The following SRRM4 variants were observed in gnomAD, a reference collection of about 807,000 sequenced individuals.
SRRM4 encodes the protein serine/arginine repetitive matrix protein 4.
In SRRM4, 33 loss-of-function variants were observed where a neutral mutation model predicts 68.9. The observed-to-expected ratio is 0.48, with a 90% confidence interval of 0.36 to 0.64. The LOEUF (loss-of-function observed/expected upper bound fraction) is 0.64. Ranked by LOEUF, SRRM4 falls within the 30% of genes least tolerant of loss-of-function variation. SRRM4 has a pLI of 0.00. For missense variants in SRRM4, 817 were observed against 827.1 expected (o/e 0.99, Z 0.15); for synonymous variants, 318 against 318.8 (o/e 1.00, Z 0.03).
intron 1 of SRRM4, among the ~76,000 whole-genome samples, chr12:118,987,870 A>G (rs1001214974): frequency 6.6e-6 from 1 of 152,260 alleles, no homozygotes; most frequent in African/African-American, 2.4e-5. Flanking sequence ...TACATATTTC[A>G]TAAGGGAGAC....
intron 1 of SRRM4, among the ~76,000 whole-genome samples, chr12:119,008,768 C>A (rs533015159): frequency 2.6e-5 from 4 of 152,254 alleles, no homozygotes; most frequent in Non-Finnish European, 5.9e-5. Flanking sequence ...CCTCCCCCAC[C>A]AGCCAGAGCC....
intron 1 of SRRM4, among the ~76,000 whole-genome samples, chr12:119,005,500 T>A (rs1322187865): frequency 1.3e-5 from 2 of 152,138 alleles, no homozygotes; most frequent in Non-Finnish European, 2.9e-5. Context: ...GTGATCCTAA[T>A]GTGCACCACT....
intron 2 of SRRM4, among the ~76,000 whole-genome samples, chr12:119,112,775 G>A (rs979303407): frequency 2.6e-5 from 4 of 152,148 alleles, no homozygotes; most frequent in Non-Finnish European, 4.4e-5. Flanking sequence ...ACACAGGAAG[G>A]GGAACATCAC....
At chr12:119,045,453 A>C in intron 1 of SRRM4, among the ~76,000 whole-genome samples, 3 of 150,572 alleles carry the variant, frequency 2.0e-5, no homozygotes, top group South Asian at 2.1e-4. Context: ...TCTGCCCCCT[A>C]TGCCCCACAT....
At chr12:119,144,948 A>G (rs1286678362) in intron 8 of SRRM4, among the ~76,000 whole-genome samples, 2 of 151,862 alleles carry the variant, frequency 1.3e-5, no homozygotes, top group Non-Finnish European at 2.9e-5. Flanking sequence ...TTTATTTTTA[A>G]TTTCCAAGAT....
chr12:119,147,152 C>A (rs1234181029), intron 9 of SRRM4, among the ~76,000 whole-genome samples: 1 of 152,134 alleles, frequency 6.6e-6, no homozygotes, highest in East Asian at 1.9e-4. Flanking sequence ...AGGTACCACG[C>A]TATGAAAAGA....
At chr12:119,019,943 C>A (rs1953504084) in intron 1 of SRRM4, among the ~76,000 whole-genome samples, 1 of 89,980 alleles carries the variant, frequency 1.1e-5, no homozygotes, top group African/African-American at 3.8e-5. Flanking sequence ...GGACAGTTCC[C>A]CCCGCTCCCC....
In SRRM4 at chr12:119,053,852, C is replaced by G. The variant is rs1386285182; in HGVS notation, c.132-48384C>G. Among the ~76,000 whole-genome samples, 3 of 152,186 alleles carry G rather than the reference C, an allele frequency of 2.0e-5. No homozygotes were observed. The South Asian group carries it at 6.2e-4, about 32-fold the overall frequency. ...TATCACATCATGGAGAATGCAGTAT[C>G]CATCCCCTTAAGCATTTATGCTTTG... On this transcript the variant is annotated intron_variant, in intron 1 of 12. Transcript: ENST00000267260.
chr12:119,100,441 G>T (rs1330578714), intron 1 of SRRM4, among the ~76,000 whole-genome samples: 1 of 151,632 alleles, frequency 6.6e-6, no homozygotes, highest in African/African-American at 2.4e-5. Context: ...AGTGAGCTGT[G>T]ATTGTGTCAC....
At chr12:119,002,068 C>G (rs535293493) in intron 1 of SRRM4, among the ~76,000 whole-genome samples, 1 of 151,886 alleles carries the variant, frequency 6.6e-6, no homozygotes, top group East Asian at 1.9e-4. Flanking sequence ...GATTCTATAG[C>G]CTGTGTTCTT....
intron 1 of SRRM4, among the ~76,000 whole-genome samples, chr12:119,081,786 G>C (rs1408104043): frequency 6.6e-6 from 1 of 152,246 alleles, no homozygotes; most frequent in Non-Finnish European, 1.5e-5. Context: ...ATTGGATTCT[G>C]AATGTACTTT....
intron 1 of SRRM4, among the ~76,000 whole-genome samples, chr12:119,088,621 C>T (rs991046586): frequency 1.4e-5 from 2 of 143,816 alleles, no homozygotes; most frequent in African/African-American, 5.3e-5. Flanking sequence ...GAGGGATTCA[C>T]AAAGAGATGC....
chr12:119,087,413 G>A (rs1953985378), intron 1 of SRRM4, among the ~76,000 whole-genome samples: 1 of 152,226 alleles, frequency 6.6e-6, no homozygotes, highest in Non-Finnish European at 1.5e-5. Context: ...CCTTTTGCCT[G>A]CCAGGGCCTG....
intron 9 of SRRM4, among the ~76,000 whole-genome samples, chr12:119,146,603 G>C (rs551016538): frequency 2.7e-5 from 4 of 150,502 alleles, no homozygotes; most frequent in African/African-American, 9.8e-5. Context: ...AAAAAAAAAT[G>C]AAAGAAAGTC....
intron 7 of SRRM4, among the ~76,000 whole-genome samples, chr12:119,127,644 C>A (rs547027575): frequency 1.3e-5 from 2 of 151,640 alleles, no homozygotes; most frequent in African/African-American, 4.8e-5. Flanking sequence ...AGGAGAATCA[C>A]TTGAACCCAG....
At chr12:118,982,492 C>T (rs558862551) in intron 1 of SRRM4, among the ~76,000 whole-genome samples, 32 of 152,014 alleles carry the variant, frequency 2.1e-4, no homozygotes, top group Non-Finnish European at 3.5e-4. Flanking sequence ...GACAAAAGCC[C>T]ATATGCTGTT....
chr12:118,997,074 TCCATGAAA>T (rs1272235211), intron 1 of SRRM4, among the ~76,000 whole-genome samples: 5 of 152,192 alleles, frequency 3.3e-5, no homozygotes, highest in African/African-American at 1.2e-4. Context: ...AAGAAGGTTA[TCCATGAAA>T]AGGAAAAACC....
intron 1 of SRRM4, among the ~76,000 whole-genome samples, chr12:119,048,756 C>G (rs1415155168): frequency 6.6e-6 from 1 of 152,264 alleles, no homozygotes; most frequent in East Asian, 1.9e-4. Context: ...GAAACCCTTT[C>G]TCTACTAAAA....
chr12:119,112,479 AT>A (rs1954150904), intron 2 of SRRM4, among the ~76,000 whole-genome samples: 1 of 152,250 alleles, frequency 6.6e-6, no homozygotes, highest in African/African-American at 2.4e-5. Context: ...ATGTCATTCT[AT>A]TATAAAGATA....
Sources: gnomAD v4.1 joint callset for allele counts (sites outside exome capture counted in the v4.1 genomes callset) on GRCh38, gnomAD v4.1.1 for gene constraint, MANE v1.5 for transcripts, NCBI Gene and HGNC (gene_info 2026-07-23, HGNC 2026-07-21) for gene names.